Variants in GLRA2 observed in about 807,000 individuals in gnomAD.
GLRA2 encodes glycine receptor subunit alpha-2.
A neutral mutation model predicts 31.6 loss-of-function variants in GLRA2; 11 were observed. The observed-to-expected ratio is 0.35, with a 90% CI of 0.22 to 0.58. The LOEUF (loss-of-function observed/expected upper bound fraction) is 0.58, where lower values mean the gene tolerates loss of function less well. GLRA2 is among the 20% of genes least tolerant of loss of function. The probability of loss-of-function intolerance (pLI) is 0.84; values close to 1 mark genes in which losing one functional copy is unlikely to be tolerated. For missense variants in GLRA2, 212 were observed against 351.8 expected (o/e 0.60, Z 3.18); for synonymous variants, 132 against 134.0 (o/e 0.99, Z 0.10).
At chrX:14,603,961 G>C (rs1364271598) in intron 4 of GLRA2, among the ~76,000 whole-genome samples, 1 of 110,339 alleles carries the variant, frequency 9.1e-6, no homozygotes, top group African/African-American at 3.3e-5. Flanking sequence ...TATATCTTTT[G>C]GACATTGGCG....
At chrX:14,620,513 AAGGTG>A (rs2090503390) in intron 7 of GLRA2, among the ~76,000 whole-genome samples, 1 of 110,951 alleles carries the variant, frequency 9.0e-6, no homozygotes, top group Admixed American at 9.6e-5. Flanking sequence ...CCTTGATCTT[AAGGTG>A]TCATTAAAGA....
chrX:14,650,098 G>A (rs751805347), intron 7 of GLRA2, among the ~76,000 whole-genome samples: 1 of 111,591 alleles, frequency 9.0e-6, no homozygotes, highest in South Asian at 3.7e-4. Flanking sequence ...TAAAACATTG[G>A]TGCGAGGAAA....
At chrX:14,685,749 A>G (rs920869156) in intron 7 of GLRA2, among the ~76,000 whole-genome samples, 2 of 111,157 alleles carry the variant, frequency 1.8e-5, no homozygotes, top group African/African-American at 6.6e-5. Flanking sequence ...TTTGTTGATC[A>G]TTTCAAAAAA....
rs1319855563 is a variant in GLRA2 at position 14,532,348 on chromosome X, G to A, written c.178G>A (p.Ala60Thr). 8.4e-7 allele frequency: 1 copy of A among 1,187,468 alleles called. No homozygotes were observed. The stretch of plus-strand genomic sequence containing the variant: ...AATGGGAAGGACATCAGGATATGAT[G>A]CAAGAATCAGGCCAAATTTTAAAGG... Reference protein sequence around the residue: ...KLMGRTSGYDARIRPNFKGPP... With the variant: ...KLMGRTSGYDTRIRPNFKGPP... The change falls in exon 2 of 9, where the codon GCA (alanine) becomes ACA (threonine). Residue 60 changes from alanine to threonine, a missense_variant. Physicochemically the swap from Ala to Thr is moderately conservative, Grantham distance 58. Around this residue, in one of 5 missense-constraint regions of GLRA2, gnomAD observed 110 missense variants for 232.6 expected, o/e 0.47. Transcript: ENST00000218075.
In GLRA2 at chrX:14,730,635, A is replaced by G. The variant is rs2091981502; in HGVS notation, c.*150A>G. On this transcript the variant is annotated 3_prime_UTR_variant, in exon 9 of 9. Coordinates refer to ENST00000218075, the MANE Select transcript of GLRA2 (RefSeq NM_002063.4). ...GGTGGGTTTCCTGGCACCTACATGA[A>G]AAAAAAGACAAGTTATATGGGTGAT... 2.2e-6 allele frequency: 1 copy of G among 450,376 alleles called. No homozygotes were observed. The highest frequency in any genetic ancestry group is 4.1e-5 in the Admixed American group (1 of 24,660). 37.1% of individuals were successfully genotyped at this position (450,376 alleles called of 1,213,427 possible).
intron 7 of GLRA2, among the ~76,000 whole-genome samples, chrX:14,635,256 G>T (rs775704225): frequency 2.5e-4 from 28 of 111,919 alleles, no homozygotes; most frequent in African/African-American, 7.8e-4. Flanking sequence ...ATGTTTCACA[G>T]ACATAGTTTC....
At chrX:14,602,091 A>C (rs972105198) in intron 4 of GLRA2, among the ~76,000 whole-genome samples, 9 of 111,680 alleles carry the variant, frequency 8.1e-5, no homozygotes, top group Non-Finnish European at 1.7e-4. Context: ...CAGTACTAGG[A>C]AGGGAACCAA....
intron 8 of GLRA2, among the ~76,000 whole-genome samples, chrX:14,722,880 C>T (rs759137508): frequency 2.3e-4 from 26 of 112,379 alleles, no homozygotes; most frequent in Non-Finnish European, 4.7e-4. Context: ...TCATTTTATC[C>T]TCAGCATCAG....
chrX:14,609,345 A>T, intron 7 of GLRA2, 140 bp downstream of exon 7: 1 of 400,476 alleles, frequency 2.5e-6, no homozygotes, highest in Non-Finnish European at 4.3e-6. Flanking sequence ...CAAGAAGCTG[A>T]GTTTGAGAGA....
At chrX:14,538,073 C>T (rs1022524414) in intron 2 of GLRA2, among the ~76,000 whole-genome samples, 9 of 109,238 alleles carry the variant, frequency 8.2e-5, no homozygotes, top group African/African-American at 3.0e-4. Flanking sequence ...ATCAAGAGGG[C>T]ATCTACAGCA....
At chrX:14,678,666 T>C (rs1023248859) in intron 7 of GLRA2, among the ~76,000 whole-genome samples, 2 of 111,818 alleles carry the variant, frequency 1.8e-5, no homozygotes, top group Non-Finnish European at 3.8e-5. Context: ...AACTAGCTAT[T>C]TTAGTATTAT....
At chrX:14,617,016 G>C (rs1305907700) in intron 7 of GLRA2, among the ~76,000 whole-genome samples, 1 of 111,661 alleles carries the variant, frequency 9.0e-6, no homozygotes, top group Non-Finnish European at 1.9e-5. Context: ...ATTCTCTGGG[G>C]AGAGAGCTGA....
intron 3 of GLRA2, among the ~76,000 whole-genome samples, chrX:14,578,539 G>C (rs2089981079): frequency 8.9e-6 from 1 of 112,371 alleles, no homozygotes; most frequent in Non-Finnish European, 1.9e-5. Flanking sequence ...GTATTCAGTG[G>C]AACAAATTTT....
At chrX:14,602,351 CGTTGTTT>C (rs1322285235) in intron 4 of GLRA2, among the ~76,000 whole-genome samples, 1 of 74,300 alleles carries the variant, frequency 1.3e-5, no homozygotes, top group East Asian at 3.1e-4. Context: ...ATGTACAAAC[CGTTGTTT>C]GTTTGTTTGT....
the GLRA2 span, among the ~76,000 whole-genome samples, chrX:14,454,514 G>A: frequency 9.2e-6 from 1 of 108,446 alleles, no homozygotes; most frequent in African/African-American, 3.4e-5. Flanking sequence ...CTTTTTATGC[G>A]TAAGTTCATT....
chrX:14,582,880 G>A (rs1006249398), intron 4 of GLRA2, among the ~76,000 whole-genome samples: 16 of 111,893 alleles, frequency 1.4e-4, no homozygotes, highest in Admixed American at 1.4e-3. Flanking sequence ...ATTGGACACG[G>A]CTGTGTCTCA....
chrX:14,643,080 A>G (rs1361008808), intron 7 of GLRA2, among the ~76,000 whole-genome samples: 2 of 112,029 alleles, frequency 1.8e-5, no homozygotes, highest in African/African-American at 6.5e-5. Flanking sequence ...GAATGTTGGC[A>G]GCCTTAAGGG....
intron 7 of GLRA2, among the ~76,000 whole-genome samples, chrX:14,681,923 ATATATATG>A: frequency 1.2e-5 from 1 of 83,268 alleles, no homozygotes; most frequent in African/African-American, 4.1e-5. Flanking sequence ...ATATATATAT[ATATATATG>A]TATATATATG....
At chrX:14,661,266 G>T (rs112187857) in intron 7 of GLRA2, among the ~76,000 whole-genome samples, 5 of 112,284 alleles carry the variant, frequency 4.5e-5, no homozygotes, top group African/African-American at 1.6e-4. Context: ...GTTCAAGCAG[G>T]TATCATAGTA....
Sources: gnomAD v4.1 joint callset for allele counts (sites outside exome capture counted in the v4.1 genomes callset) on GRCh38, gnomAD v4.1.1 for gene constraint, gnomAD v4.1.1 regional missense constraint, MANE v1.5 for transcripts, NCBI Gene and HGNC (gene_info 2026-07-23, HGNC 2026-07-21) for gene names.